ADGRL3: variants seen among roughly 807,000 people sequenced by gnomAD.
The protein encoded by ADGRL3 is adhesion G protein-coupled receptor L3.
A neutral mutation model predicts 153.5 loss-of-function variants in ADGRL3; 62 were observed. That is an observed-to-expected ratio of 0.40 (90% CI 0.33 to 0.50). The LOEUF is 0.50. Among genes scored for constraint, ADGRL3 ranks in the 20% least tolerant of loss-of-function variants. The probability of loss-of-function intolerance (pLI) is 0.47; values close to 1 mark genes in which losing one functional copy is unlikely to be tolerated. For missense variants in ADGRL3, 1,641 were observed against 1,859.4 expected (o/e 0.88, Z 2.16); for synonymous variants, 710 against 672.5 (o/e 1.06, Z -0.86).
intron 24 of ADGRL3, among the ~76,000 whole-genome samples, chr4:62,041,415 GAT>G (rs1728205191): frequency 6.6e-6 from 1 of 151,602 alleles, no homozygotes. Flanking sequence ...TTGATTTTTA[GAT>G]ATATTTGCTT....
chr4:61,879,403 G>A (rs1409614792), intron 9 of ADGRL3, among the ~76,000 whole-genome samples: 1 of 152,100 alleles, frequency 6.6e-6, no homozygotes, highest in Non-Finnish European at 1.5e-5. Context: ...AGATATCTTG[G>A]TGATAGGATC....
chr4:61,782,607 G>T (rs993941455), intron 8 of ADGRL3, among the ~76,000 whole-genome samples: 6 of 152,110 alleles, frequency 3.9e-5, no homozygotes, highest in Non-Finnish European at 2.9e-5. Flanking sequence ...TAAATACACA[G>T]TCACATACCA....
chr4:62,062,680 T>C (rs1052991369), intron 25 of ADGRL3, among the ~76,000 whole-genome samples: 2 of 152,042 alleles, frequency 1.3e-5, no homozygotes, highest in Admixed American at 1.3e-4. Flanking sequence ...TGTTAGAAAC[T>C]AAGAACAAAA....
chr4:61,417,434 G>A (rs1217004267), intron 2 of ADGRL3, among the ~76,000 whole-genome samples: 3 of 151,978 alleles, frequency 2.0e-5, no homozygotes, highest in African/African-American at 7.3e-5. Context: ...GTTGCAGTGA[G>A]CCGAGATTGT....
intron 6 of ADGRL3, among the ~76,000 whole-genome samples, chr4:61,707,559 T>G (rs2095876671): frequency 6.6e-6 from 1 of 152,236 alleles, no homozygotes; most frequent in Non-Finnish European, 1.5e-5. Flanking sequence ...ATTTTAAAGG[T>G]GTTTGACCTT....
At chr4:61,757,875 T>C (rs2096856973) in intron 8 of ADGRL3, among the ~76,000 whole-genome samples, 2 of 152,244 alleles carry the variant, frequency 1.3e-5, no homozygotes, top group Non-Finnish European at 2.9e-5. Context: ...CATTTCGTTA[T>C]GTACCCAGTA....
chr4:61,359,887 A>C (rs17828324), intron 1 of ADGRL3, among the ~76,000 whole-genome samples: 42,085 of 152,064 alleles, frequency 0.28, 6,341 homozygotes, highest in South Asian at 0.44. Flanking sequence ...TAAATCACAT[A>C]GTACATATTC....
At chr4:61,958,382 T>C (rs1477243294) in intron 17 of ADGRL3, among the ~76,000 whole-genome samples, 2 of 82,038 alleles carry the variant, frequency 2.4e-5, no homozygotes, top group Non-Finnish European at 5.7e-5. Context: ...TAAAGGTTTC[T>C]TTCTTTCTTT....
At chr4:61,432,650 C>CTTTT in intron 2 of ADGRL3, among the ~76,000 whole-genome samples, 1 of 38,882 alleles carries the variant, frequency 2.6e-5, no homozygotes, top group Admixed American at 3.2e-4. Flanking sequence ...TTCTTTCTTT[C>CTTTT]TTTCTTTTTT....
chr4:61,805,341 T>G (rs2097542751), intron 8 of ADGRL3, among the ~76,000 whole-genome samples: 1 of 152,160 alleles, frequency 6.6e-6, no homozygotes, highest in Non-Finnish European at 1.5e-5. Flanking sequence ...TTTACCACAT[T>G]ATGTTTTTCT....
intron 6 of ADGRL3, among the ~76,000 whole-genome samples, chr4:61,698,276 C>T (rs563565375): frequency 1.2e-3 from 185 of 152,092 alleles, no homozygotes; most frequent in African/African-American, 4.2e-3. Flanking sequence ...ACGGTGAAAC[C>T]GCGTCTCTAC....
chr4:61,600,675 G>A (rs534858911), intron 5 of ADGRL3, among the ~76,000 whole-genome samples: 112 of 152,220 alleles, frequency 7.4e-4, no homozygotes, highest in African/African-American at 2.6e-3. Context: ...AGAGATCAAC[G>A]TTTTTACATG....
intron 1 of ADGRL3, among the ~76,000 whole-genome samples, chr4:61,323,451 CTCTT>C (rs1453239477): frequency 6.6e-6 from 1 of 151,910 alleles, no homozygotes; most frequent in Non-Finnish European, 1.5e-5. Context: ...CTTTTATGCT[CTCTT>C]TCCCCTTTGA....
At chr4:61,847,605 A>T (rs562116790) in intron 9 of ADGRL3, among the ~76,000 whole-genome samples, 3,702 of 72,094 alleles carry the variant, frequency 0.051, 291 homozygotes, top group Non-Finnish European at 0.067. Context: ...TATAATATAT[A>T]ATATATTATA....
At chr4:61,592,691 T>G (rs892349248) in intron 5 of ADGRL3, among the ~76,000 whole-genome samples, 4 of 152,198 alleles carry the variant, frequency 2.6e-5, no homozygotes, top group Non-Finnish European at 4.4e-5. Context: ...ATTTTGATAA[T>G]GTCTGCTAAA....
chr4:61,483,181 C>T (rs1352396617), intron 2 of ADGRL3, among the ~76,000 whole-genome samples: 1 of 151,974 alleles, frequency 6.6e-6, no homozygotes. Flanking sequence ...TGGGGTTTTC[C>T]TATTGTCTTA....
intron 9 of ADGRL3, 25 bp downstream of exon 9, chr4:61,813,914 A>G: frequency 6.2e-7 from 1 of 1,611,432 alleles, no homozygotes; most frequent in East Asian, 2.2e-5. Context: ...ATATGAAGAA[A>G]AAGTAACTCT....
intron 5 of ADGRL3, among the ~76,000 whole-genome samples, chr4:61,606,997 C>T (rs2099034821): frequency 1.3e-5 from 2 of 152,146 alleles, no homozygotes; most frequent in Non-Finnish European, 2.9e-5. Context: ...TTCACTGAGA[C>T]TGTGGTATTG....
intron 5 of ADGRL3, among the ~76,000 whole-genome samples, chr4:61,640,185 C>T (rs970582827): frequency 7.3e-5 from 11 of 151,202 alleles, no homozygotes; most frequent in African/African-American, 1.5e-4. Context: ...GTTCAACAAG[C>T]GGAATATGGC....
Sources: gnomAD v4.1 joint callset for allele counts (sites outside exome capture counted in the v4.1 genomes callset) on GRCh38, gnomAD v4.1.1 for gene constraint, MANE v1.5 for transcripts, NCBI Gene and HGNC (gene_info 2026-07-23, HGNC 2026-07-21) for gene names.